VRK2: variants seen among roughly 807,000 people sequenced by gnomAD.
The protein encoded by VRK2 is serine/threonine-protein kinase VRK2.
Under a neutral mutation model 57.6 loss-of-function variants are expected in VRK2, and 60 were observed. The ratio of observed to expected loss-of-function variants is 1.04; its 90% CI spans 0.85 to 1.29. The LOEUF (loss-of-function observed/expected upper bound fraction) is 1.29. Ranked by LOEUF, VRK2 falls within the 50% of genes most tolerant of loss-of-function variation. VRK2 has a pLI of 0.00. For missense variants in VRK2, 705 were observed against 588.1 expected (o/e 1.20, Z -2.06); for synonymous variants, 231 against 199.2 (o/e 1.16, Z -1.35).
At chr2:58,004,925 A>G (rs1311560549) in intron 1 of VRK2, among the ~76,000 whole-genome samples, 1 of 152,170 alleles carries the variant, frequency 6.6e-6, no homozygotes, top group Admixed American at 6.5e-5. Flanking sequence ...AATTCTCTGC[A>G]GTTACAGTGA....
At chr2:57,935,145 G>A (rs1444024769) in intron 1 of VRK2, among the ~76,000 whole-genome samples, 3 of 152,130 alleles carry the variant, frequency 2.0e-5, no homozygotes, top group Non-Finnish European at 4.4e-5. Flanking sequence ...TGATTTTTGT[G>A]TTTCTTGAGG....
rs550738919 is a variant in VRK2 at position 58,087,989 on chromosome 2, A to G, written c.345-352A>G. Among the ~76,000 whole-genome samples the G allele has an allele frequency of 8.5e-4, 129 of 152,292 alleles. 1 individual carries two copies. The highest frequency in any genetic ancestry group is 2.9e-3 in the African/African-American group (120 of 41,564). On this transcript the variant is annotated intron_variant, in intron 5 of 12. Transcript: ENST00000340157. Reference sequence around the variant, plus strand: ...TGACAGAGCGGGACTCTGTCTCAAAAAAAAAATCAAGTGTGTACAATAATT... The same window carrying G: ...TGACAGAGCGGGACTCTGTCTCAAAGAAAAAATCAAGTGTGTACAATAATT...
At chr2:57,926,998 T>G (rs2678872) in intron 1 of VRK2, among the ~76,000 whole-genome samples, 1,568 of 142,764 alleles carry the variant, frequency 0.011, 32 homozygotes, top group African/African-American at 0.03. Context: ...TTTTAATTTC[T>G]TGTGTGTGTG....
intron 1 of VRK2, among the ~76,000 whole-genome samples, chr2:58,001,651 G>T (rs551752027): frequency 6.6e-6 from 1 of 151,904 alleles, no homozygotes; most frequent in South Asian, 2.1e-4. Flanking sequence ...ATGAAACCCC[G>T]TCTCTATTAA....
At chr2:58,020,138 T>G (rs950454289) in intron 1 of VRK2, among the ~76,000 whole-genome samples, 5 of 152,224 alleles carry the variant, frequency 3.3e-5, no homozygotes, top group African/African-American at 1.2e-4. Context: ...GATGCTTCCA[T>G]ATAATCAAGT....
chr2:57,984,342 G>GA (rs533639859), intron 1 of VRK2, among the ~76,000 whole-genome samples: 1 of 151,866 alleles, frequency 6.6e-6, no homozygotes, highest in East Asian at 1.9e-4. Flanking sequence ...AAAATGAGAG[G>GA]AAAAAAACCC....
chr2:58,035,596 G>A (rs776527693), intron 3 of VRK2, among the ~76,000 whole-genome samples: 4 of 151,850 alleles, frequency 2.6e-5, no homozygotes, highest in Admixed American at 6.6e-5. Context: ...TAAATACTTC[G>A]CACTATTGAC....
At chr2:57,965,505 C>T (rs947810057) in intron 1 of VRK2, among the ~76,000 whole-genome samples, 1 of 152,186 alleles carries the variant, frequency 6.6e-6, no homozygotes, top group Non-Finnish European at 1.5e-5. Flanking sequence ...CACTTATTAC[C>T]ATCAGTCTCA....
chr2:57,934,476 T>G (rs1036667724), intron 1 of VRK2, among the ~76,000 whole-genome samples: 16 of 152,234 alleles, frequency 1.1e-4, no homozygotes, highest in African/African-American at 3.4e-4. Context: ...GTAACTAGCC[T>G]GTTTTGTTTC....
chr2:58,028,243 G>C (rs1431085077), intron 2 of VRK2: 1 of 152,122 alleles, frequency 6.6e-6, no homozygotes, highest in Non-Finnish European at 1.5e-5. Flanking sequence ...ACACTTAAGA[G>C]TGACAAGAGG....
intron 2 of VRK2, chr2:58,028,297 G>T (rs1463042497): frequency 6.6e-6 from 1 of 152,104 alleles, no homozygotes; most frequent in Non-Finnish European, 1.5e-5. Flanking sequence ...ATTTACTACA[G>T]CTCTACATCA....
At chr2:57,927,114 T>C (rs2717014) in intron 1 of VRK2, among the ~76,000 whole-genome samples, 96,140 of 151,254 alleles carry the variant, frequency 0.64, 30,714 homozygotes, top group African/African-American at 0.72. Flanking sequence ...CAACTAAAGA[T>C]TAATTGCATA....
At chr2:58,046,404 ATAGT>A (rs1346528203), upstream of VRK2, 9 of 815,452 alleles carry the variant, frequency 1.1e-5, no homozygotes, top group Admixed American at 6.2e-5. Context: ...GCTAGTACCA[ATAGT>A]TAGTTGCTCG....
At chr2:58,074,037 T>C (rs1264679905) in intron 2 of VRK2, among the ~76,000 whole-genome samples, 1 of 152,142 alleles carries the variant, frequency 6.6e-6, no homozygotes, top group Non-Finnish European at 1.5e-5. Flanking sequence ...CTTTCTATCC[T>C]TCAATCCAAT....
intron 1 of VRK2, among the ~76,000 whole-genome samples, chr2:57,911,707 T>C (rs781144481): frequency 6.6e-6 from 1 of 152,208 alleles, no homozygotes; most frequent in Non-Finnish European, 1.5e-5. Flanking sequence ...GATAATCACA[T>C]ACATTTATGG....
chr2:58,112,925 G>C (rs1380935611), intron 7 of VRK2, among the ~76,000 whole-genome samples: 1 of 152,176 alleles, frequency 6.6e-6, no homozygotes, highest in African/African-American at 2.4e-5. Context: ...ATAAAAGCCT[G>C]TCTGGGTGTG....
chr2:58,115,065 C>G (rs1676222884), intron 7 of VRK2, among the ~76,000 whole-genome samples: 1 of 152,068 alleles, frequency 6.6e-6, no homozygotes, highest in African/African-American at 2.4e-5. Context: ...GATAGATTTC[C>G]ACGATGGAAA....
intron 1 of VRK2, among the ~76,000 whole-genome samples, chr2:57,923,020 G>T (rs935292882): frequency 2.6e-5 from 4 of 151,944 alleles, no homozygotes; most frequent in African/African-American, 7.2e-5. Flanking sequence ...ATGTCCTCCA[G>T]TTCCATCCAT....
chr2:58,043,774 A>G (rs530290337), upstream of VRK2, among the ~76,000 whole-genome samples: 12 of 152,326 alleles, frequency 7.9e-5, no homozygotes, highest in East Asian at 1.7e-3. Flanking sequence ...TTGTATGTTA[A>G]TTATATGTTT....
Sources: gnomAD v4.1 joint callset for allele counts (sites outside exome capture counted in the v4.1 genomes callset) on GRCh38, gnomAD v4.1.1 for gene constraint, MANE v1.5 for transcripts, NCBI Gene and HGNC (gene_info 2026-07-23, HGNC 2026-07-21) for gene names.